Variants in SCN10A observed in about 807,000 individuals in gnomAD.
SCN10A encodes the protein sodium channel protein type 10 subunit alpha.
A neutral mutation model predicts 170.7 loss-of-function variants in SCN10A; 162 were observed. The ratio of observed to expected loss-of-function variants is 0.95; its 90% confidence interval spans 0.84 to 1.08. The LOEUF (loss-of-function observed/expected upper bound fraction) is 1.08. SCN10A is among the 50% of genes least tolerant of loss of function. The pLI, the probability that SCN10A is intolerant of heterozygous loss-of-function variation, is 0.00. For missense variants in SCN10A, 2,527 were observed against 2,436.9 expected (o/e 1.04, Z -0.78); for synonymous variants, 985 against 904.6 (o/e 1.09, Z -1.59).
chr3:38,754,223 C>T (rs1361375508), intron 11 of SCN10A, among the ~76,000 whole-genome samples: 1 of 152,210 alleles, frequency 6.6e-6, no homozygotes, highest in Non-Finnish European at 1.5e-5. Flanking sequence ...ATGCCTTCCT[C>T]CAGGAAGCCT....
At chr3:38,711,798 A>G (rs934568736) in intron 23 of SCN10A, among the ~76,000 whole-genome samples, 1 of 152,242 alleles carries the variant, frequency 6.6e-6, no homozygotes, top group Non-Finnish European at 1.5e-5. Flanking sequence ...AATAGACCTA[A>G]TGAGACATAA....
chr3:38,705,688 A>G (rs549358948), intron 26 of SCN10A, among the ~76,000 whole-genome samples: 1 of 152,222 alleles, frequency 6.6e-6, no homozygotes, highest in Admixed American at 6.5e-5. Context: ...AGAAGCTGGG[A>G]TGTCAAAGAG....
intron 15 of SCN10A, among the ~76,000 whole-genome samples, chr3:38,735,941 T>G (rs527667182): frequency 6.6e-6 from 1 of 152,330 alleles, no homozygotes; most frequent in Non-Finnish European, 1.5e-5. Context: ...ACTCTGGTTT[T>G]TGCCTCATGG....
chr3:38,704,302 G>A (rs1455469595), intron 26 of SCN10A, among the ~76,000 whole-genome samples: 1 of 152,194 alleles, frequency 6.6e-6, no homozygotes, highest in Non-Finnish European at 1.5e-5. Flanking sequence ...TGGGGCAGGA[G>A]GGGGATTGCT....
intron 1 of SCN10A, among the ~76,000 whole-genome samples, chr3:38,795,548 T>C (rs1048516618): frequency 6.6e-6 from 1 of 151,892 alleles, no homozygotes; most frequent in East Asian, 1.9e-4. Flanking sequence ...CACTATATTG[T>C]CCAGGCCCAT....
chr3:38,720,878 G>A (rs982823076), intron 20 of SCN10A, among the ~76,000 whole-genome samples: 1 of 152,200 alleles, frequency 6.6e-6, no homozygotes, highest in Non-Finnish European at 1.5e-5. Flanking sequence ...AAGAGCATAG[G>A]TGTGGAGAAA....
intron 4 of SCN10A, among the ~76,000 whole-genome samples, chr3:38,782,400 C>T (rs1332991087): frequency 1.3e-5 from 2 of 152,206 alleles, no homozygotes; most frequent in East Asian, 1.9e-4. Context: ...TGATTTACCA[C>T]TTCTCCACCC....
intron 13 of SCN10A, among the ~76,000 whole-genome samples, chr3:38,742,956 G>A (rs935702977): frequency 6.6e-6 from 1 of 152,106 alleles, no homozygotes; most frequent in East Asian, 1.9e-4. Flanking sequence ...CACCCAACCA[G>A]CTGGACCTGG....
intron 4 of SCN10A, among the ~76,000 whole-genome samples, chr3:38,786,410 T>C (rs540017210): frequency 2.0e-5 from 3 of 151,796 alleles, no homozygotes; most frequent in Middle Eastern, 3.4e-3. Context: ...TTCTCACTCA[T>C]AGGTGGGAGA....
Position 38,707,419 on chromosome 3 carries a change from G to C in SCN10A, c.4282-36C>G, listed in dbSNP as rs370311310. On this transcript the variant is annotated intron_variant, in intron 25 of 27. Transcript: ENST00000449082. ...GGCCACACTGTTACTAAAGCAAGAG[G>C]AACCCCCTACGGATACCAAAATCAG... The C allele has an allele frequency of 9.1e-5, 146 of 1,608,084 alleles. No homozygotes were observed. In the African/African-American group the frequency reaches 1.8e-3, roughly 20 times the overall value.
chr3:38,701,452 T>C (rs1403374667), intron 27 of SCN10A, among the ~76,000 whole-genome samples: 8 of 152,160 alleles, frequency 5.3e-5, no homozygotes, highest in Admixed American at 1.3e-4. Flanking sequence ...TTAAGACTCA[T>C]CTCACATTAC....
At chr3:38,722,548 G>A in intron 19 of SCN10A, 136 bp from the exon 20 acceptor site, 1 of 907,736 alleles carries the variant, frequency 1.1e-6, no homozygotes, top group Non-Finnish European at 1.7e-6. Context: ...CCTGGAATAT[G>A]GGTGAAGAGG....
intron 27 of SCN10A, among the ~76,000 whole-genome samples, chr3:38,700,031 T>C (rs551946194): frequency 6.6e-6 from 1 of 152,344 alleles, no homozygotes; most frequent in African/African-American, 2.4e-5. Flanking sequence ...ATTTCTATAT[T>C]ACTGATACAC....
intron 15 of SCN10A, among the ~76,000 whole-genome samples, chr3:38,729,564 C>T (rs1012786326): frequency 1.3e-5 from 2 of 152,158 alleles, no homozygotes; most frequent in African/African-American, 4.8e-5. Flanking sequence ...GGCTCTTGCT[C>T]TCATGGAACC....
chr3:38,793,891 C>T lies in SCN10A; in HGVS notation c.120G>A (p.Lys40=). ...AKQGTKKARE[K]HREQKDQEEK... is the part of the protein sequence containing the mutation. The stretch of plus-strand genomic sequence containing the variant: ...CTTCTTGGTCCTTCTGCTCCCTATG[C>T]TTCTCTCTGGCTTTCTTTGTTCCCT... The change falls in exon 2 of 28, where the codon AAG becomes AAA. Residue 40 remains lysine (K), a synonymous_variant. Coordinates refer to ENST00000449082, the MANE Select transcript of SCN10A (RefSeq NM_006514.4). 6.2e-7 allele frequency: 1 copy of T among 1,614,096 alleles called. No homozygotes were observed. The highest frequency in any genetic ancestry group is 8.5e-7 in the Non-Finnish European group (1 of 1,179,968).
chr3:38,717,404 C>G (rs187164654), intron 21 of SCN10A, among the ~76,000 whole-genome samples: 33 of 152,318 alleles, frequency 2.2e-4, no homozygotes, highest in Admixed American at 4.6e-4. Context: ...CTGGTGAGAT[C>G]AACATAAGCA....
Position 38,726,810 on chromosome 3 carries a change from G to A in SCN10A, c.2883C>T (p.His961=). Residue 961 remains histidine (H), a synonymous_variant, in exon 17 of 28, where the codon CAC becomes CAT. Transcript: ENST00000449082. The part of the protein sequence containing the change: ...LPLSSSKAEN[H]IAANTARGSS... ...TCCCCCTGGCAGTGTTGGCAGCAAT[G>A]TGGTTCTCAGCCTTGGAGCTGGAGA... 1.2e-6 allele frequency: 2 copies of A among 1,612,148 alleles called. No individual in the cohort carries two copies. Among genetic ancestry groups the A allele is most frequent in the Non-Finnish European group, 1.7e-6 (2 of 1,178,304 alleles).
intron 19 of SCN10A, among the ~76,000 whole-genome samples, chr3:38,722,663 A>T (rs1435012917): frequency 1.3e-5 from 2 of 152,064 alleles, no homozygotes; most frequent in Non-Finnish European, 2.9e-5. Flanking sequence ...CTTACAGATG[A>T]CACCAGTGGT....
At chr3:38,770,608 T>G (rs1325392779) in intron 5 of SCN10A, among the ~76,000 whole-genome samples, 2 of 152,132 alleles carry the variant, frequency 1.3e-5, no homozygotes, top group Non-Finnish European at 2.9e-5. Context: ...AGTGCCCTAC[T>G]CAGACCTTGC....
Sources: gnomAD v4.1 joint callset for allele counts (sites outside exome capture counted in the v4.1 genomes callset) on GRCh38, gnomAD v4.1.1 for gene constraint, MANE v1.5 for transcripts, NCBI Gene and HGNC (gene_info 2026-07-23, HGNC 2026-07-21) for gene names.